The following CCK variants were observed in gnomAD, a reference collection of about 807,000 sequenced individuals.
CCK encodes the protein cholecystokinin triacontatriapeptide.
CCK carries 11 observed loss-of-function variants against 10.1 expected under a neutral mutation model. That is an observed-to-expected ratio of 1.09 (90% confidence interval 0.69 to 1.81). The LOEUF (loss-of-function observed/expected upper bound fraction) is 1.81. Among genes scored for constraint, CCK ranks in the 40% most tolerant of loss-of-function variants. The pLI is 0.00. For missense variants in CCK, 137 were observed against 159.9 expected (o/e 0.86, Z 0.77); for synonymous variants, 83 against 71.9 (o/e 1.15, Z -0.78).
chr3:42,258,962 A>G (rs1185415303), intron 4 of CCK, among the ~76,000 whole-genome samples: 1 of 152,228 alleles, frequency 6.6e-6, no homozygotes, highest in Non-Finnish European at 1.5e-5. Flanking sequence ...CTAAATGCCC[A>G]TCAATGATAG....
Position 42,265,820 on chromosome 3 carries a change from G to A in CCK, c.-519C>T, listed in dbSNP as rs1711279612. On this transcript the variant is annotated 5_prime_UTR_variant, in exon 1 of 5. Coordinates refer to ENST00000396169, the MANE Select transcript of CCK (RefSeq NM_000729.6). ...CGGTTACTCTCCCGGCTCCGGAGCGGGCCGACCTGGAGCCCCTCAGTGCGC... is the reference window on the plus strand; with the variant it reads ...CGGTTACTCTCCCGGCTCCGGAGCGAGCCGACCTGGAGCCCCTCAGTGCGC... 1 of 152,212 alleles carries A rather than the reference G, an allele frequency of 6.6e-6. No homozygotes were observed. The highest frequency in any genetic ancestry group is 1.5e-5 in the Non-Finnish European group (1 of 68,070). 9.4% of individuals were successfully genotyped at this position (152,212 alleles called of 1,614,324 possible).
chr3:42,259,247 T>C (rs1711181267), intron 4 of CCK, among the ~76,000 whole-genome samples: 2 of 152,152 alleles, frequency 1.3e-5, no homozygotes, highest in Non-Finnish European at 1.5e-5. Context: ...AAATACCTAA[T>C]GTAGATGACT....
At chr3:42,259,119 G>A (rs991440022) in intron 4 of CCK, among the ~76,000 whole-genome samples, 13 of 151,774 alleles carry the variant, frequency 8.6e-5, no homozygotes, top group South Asian at 8.3e-4. Flanking sequence ...ACCAAACACC[G>A]CATGTTCTCA....
In CCK at chr3:42,263,436, G is replaced by A. The variant is rs200700917; in HGVS notation, c.195C>T (p.Tyr65=). 8.0e-5 allele frequency: 129 copies of A among 1,614,208 alleles called. No individual in the cohort carries two copies. Among genetic ancestry groups the A allele is most frequent in the Non-Finnish European group, 1.0e-4 (122 of 1,180,026 alleles). ...RAHLGALLAR[Y]IQQARKAPSG... ...TCTTACCTTTCCGGGCCTGCTGGAT[G>A]TATCTTGCCAGCAGGGCGCCCAGGT... Residue 65 remains tyrosine (Y), a synonymous_variant, in exon 4 of 5, where the codon TAC becomes TAT. Transcript: ENST00000396169.
chr3:42,260,895 G>T lies in CCK; in HGVS notation c.214+2522C>A, dbSNP rs191394727. 1.2e-3 allele frequency among the ~76,000 whole-genome samples: 185 copies of T among 152,276 alleles called. 1 individual carries two copies. In the South Asian group the frequency reaches 0.015, roughly 12 times the overall value. On this transcript the variant is annotated intron_variant, in intron 4 of 4. Transcript: ENST00000396169. ...AGCTGAATGGCTTCCAGGCCCTCCT[G>T]GGGGGAGCAGGACTAGATAGAGTCT... is the stretch of plus-strand genomic sequence containing the variant.
intron 4 of CCK, 27 bp from the exon 5 acceptor site, chr3:42,258,258 A>G (rs765212234): frequency 1.9e-6 from 3 of 1,602,814 alleles, no homozygotes; most frequent in Non-Finnish European, 2.5e-6. Flanking sequence ...GGAAGGAAAC[A>G]GGGACATTGC....
At position 42,263,713 on chromosome 3, in the gene CCK, C is replaced by T; in HGVS notation, c.-2-81G>A. 5 of 1,454,952 alleles carry T rather than the reference C, an allele frequency of 3.4e-6. No individual in the cohort carries two copies. The South Asian group carries it at 7.3e-5, about 21-fold the overall frequency. The allele number at this position is 1,454,952 out of a possible 1,614,324, so 90.1% of individuals were successfully genotyped here. A position where few individuals can be genotyped will look rare whatever the true frequency, so the allele number is the denominator to read the frequency against. The stretch of plus-strand genomic sequence containing the variant: ...CTGCGGCGGGCCGGGCACCCAGAAG[C>T]GGGCTTAGGACAAACACAGGTGCTC... On this transcript the variant is annotated intron_variant, in intron 3 of 4. Coordinates refer to ENST00000396169, the MANE Select transcript of CCK (RefSeq NM_000729.6).
At chr3:42,258,260 G>A (rs1316519729) in intron 4 of CCK, 29 bp from the exon 5 acceptor site, 2 of 1,601,860 alleles carry the variant, frequency 1.2e-6, no homozygotes, top group South Asian at 1.1e-5. Context: ...AAGGAAACAG[G>A]GACATTGCAT....
In CCK at chr3:42,257,939, A is replaced by G; in HGVS notation, c.*159T>C. 2.7e-6 allele frequency: 2 copies of G among 736,952 alleles called. No individual in the cohort carries two copies. Among genetic ancestry groups the G allele is most frequent in the Non-Finnish European group, 4.3e-6 (2 of 465,362 alleles). 45.7% of individuals were successfully genotyped at this position (736,952 alleles called of 1,614,324 possible). A position where few individuals can be genotyped will look rare whatever the true frequency, so the allele number is the denominator to read the frequency against. Reference sequence around the variant, plus strand: ...CTGGTGAGGTGTGTGGTTGCACTGGACAATCTTACAGACACATTTTTCACA... The same window carrying G: ...CTGGTGAGGTGTGTGGTTGCACTGGGCAATCTTACAGACACATTTTTCACA... On this transcript the variant is annotated 3_prime_UTR_variant, in exon 5 of 5. Transcript: ENST00000396169.
rs1398328399 is a variant in CCK, at chr3:42,265,407, C to T, written c.-352G>A. The T allele has an allele frequency of 3.9e-5, 6 of 152,460 alleles. No homozygotes were observed. Among genetic ancestry groups the T allele is most frequent in the Admixed American group, 3.9e-4 (6 of 15,294 alleles). The allele number at this position is 152,460 out of a possible 1,614,324, so 9.4% of individuals were successfully genotyped here. A position where few individuals can be genotyped will look rare whatever the true frequency, so the allele number is the denominator to read the frequency against. On this transcript the variant is annotated 5_prime_UTR_variant, in exon 2 of 5. Coordinates refer to ENST00000396169, the MANE Select transcript of CCK (RefSeq NM_000729.6). ...GTGAAAGGGCTCTGGCCACAGCTGG[C>T]TCTTGGTGTCCTGGGCCTCTCTTGA... is the stretch of plus-strand genomic sequence containing the variant.
chr3:42,261,000 T>C (rs1445966431), intron 4 of CCK, among the ~76,000 whole-genome samples: 1 of 152,010 alleles, frequency 6.6e-6, no homozygotes, highest in African/African-American at 2.4e-5. Context: ...ACTGGCAAAA[T>C]GGGTATAATA....
chr3:42,261,608 C>CTTTTTT (rs3073696), intron 4 of CCK, among the ~76,000 whole-genome samples: 1 of 145,620 alleles, frequency 6.9e-6, no homozygotes, highest in Non-Finnish European at 1.5e-5. Context: ...TGGTAATGAG[C>CTTTTTT]TTTTTTTTTT....
At chr3:42,265,583 G>C (rs542004005) in intron 1 of CCK, 101 bp downstream of exon 1, 1 of 152,394 alleles carries the variant, frequency 6.6e-6, no homozygotes, top group East Asian at 1.9e-4. Context: ...GAGGGTCCTG[G>C]GGAACTTGAC....
Position 42,263,544 on chromosome 3 carries a change from C to T in CCK, c.87G>A (p.Ala29=). Residue 29 remains alanine (A), a synonymous_variant, in exon 4 of 5, where the codon GCG becomes GCA. Transcript: ENST00000396169. ...CCTCTGCCCGCTGCAGCCCGGAGCC[C>T]GCGGGATCTGCGGGAGGCACCGGCT... ...LTQPVPPADP[A]GSGLQRAEEA... The T allele has an allele frequency of 1.2e-6, 2 of 1,612,542 alleles. No homozygotes were observed. The highest frequency in any genetic ancestry group is 1.7e-6 in the Non-Finnish European group (2 of 1,179,396).
At chr3:42,258,332 A>C in intron 4 of CCK, 101 bp from the exon 5 acceptor site, 1 of 1,278,326 alleles carries the variant, frequency 7.8e-7, no homozygotes, top group Non-Finnish European at 1.1e-6. Flanking sequence ...ACGCAATATA[A>C]CAGACACCAC....
chr3:42,258,692 G>C (rs1306749909), intron 4 of CCK, among the ~76,000 whole-genome samples: 1 of 152,114 alleles, frequency 6.6e-6, no homozygotes, highest in Non-Finnish European at 1.5e-5. Context: ...GAGAGCTCTT[G>C]TTATTAAGGT....
At position 42,258,215 on chromosome 3, in the gene CCK, C is replaced by T. The variant is rs913202084; in HGVS notation, c.231G>A (p.Met77Ile). ...GGTTCTGCAGGTTCTTAACGATGGA[C>T]ATTCGTCCAGAAGGAGCTACAAGGA... is the stretch of plus-strand genomic sequence containing the variant. Reference protein sequence around the residue: ...QQARKAPSGRMSIVKNLQNLD... With the variant: ...QQARKAPSGRISIVKNLQNLD... The change falls in exon 5 of 5, where the codon ATG (methionine) becomes ATA (isoleucine). Residue 77 changes from methionine to isoleucine, a missense_variant. Met to Ile is a conservative substitution (Grantham distance 10). Transcript: ENST00000396169. 5.0e-6 allele frequency: 8 copies of T among 1,614,000 alleles called. No homozygotes were observed. The East Asian group carries it at 1.8e-4, about 36-fold the overall frequency.
chr3:42,259,122 T>C (rs2149570397), intron 4 of CCK, among the ~76,000 whole-genome samples: 1 of 151,964 alleles, frequency 6.6e-6, no homozygotes, highest in African/African-American at 2.4e-5. Context: ...AAACACCGCA[T>C]GTTCTCACTC....
chr3:42,262,770 A>T (rs1403665876), intron 4 of CCK, among the ~76,000 whole-genome samples: 1 of 152,176 alleles, frequency 6.6e-6, no homozygotes, highest in African/African-American at 2.4e-5. Context: ...TGAGCTGCTG[A>T]ATCACCTTAT....
Sources: allele counts gnomAD v4.1 joint callset (sites outside exome capture counted in the v4.1 genomes callset), GRCh38; gene constraint gnomAD v4.1.1; transcripts MANE v1.5; gene names NCBI Gene and HGNC (gene_info 2026-07-23, HGNC 2026-07-21).